Variants in DNAH2 observed in about 807,000 individuals in gnomAD.
DNAH2 encodes dynein axonemal heavy chain 2, also known as axonemal beta dynein heavy chain 2.
In DNAH2, 323 loss-of-function variants were observed where a neutral mutation model predicts 523.5. The observed-to-expected ratio is 0.62, with a 90% CI of 0.56 to 0.68. DNAH2 has a LOEUF of 0.68. Among genes scored for constraint, DNAH2 ranks in the 30% least tolerant of loss-of-function variants. DNAH2 has a pLI of 0.00. For missense variants in DNAH2, 4,907 were observed against 5,701.5 expected (o/e 0.86, Z 4.49); for synonymous variants, 2,093 against 2,177.4 (o/e 0.96, Z 1.08).
chr17:7,823,708 A>C, intron 74 of DNAH2, 80 bp downstream of exon 74: 1 of 1,581,382 alleles, frequency 6.3e-7, no homozygotes. Flanking sequence ...ATTGTCCTCC[A>C]TCCCCTCTCC....
chr17:7,742,814 T>C, intron 11 of DNAH2, 114 bp from the exon 12 acceptor site: 1 of 618,636 alleles, frequency 1.6e-6, no homozygotes, highest in Non-Finnish European at 2.4e-6. Context: ...TAGCAAGCCT[T>C]ATGCATATTG....
chr17:7,722,195 G>T (rs1026738916), intron 2 of DNAH2, among the ~76,000 whole-genome samples: 9 of 146,384 alleles, frequency 6.1e-5, no homozygotes, highest in Admixed American at 4.7e-4. Context: ...GACGGGGGGG[G>T]GGGTTCACCA....
chr17:7,723,736 G>A lies in DNAH2; in HGVS notation c.228+47G>A, dbSNP rs372899253. 3 of 1,520,640 alleles carry A rather than the reference G, an allele frequency of 2.0e-6. No homozygotes were observed. In the African/African-American group the frequency reaches 4.1e-5, roughly 21 times the overall value. 94.2% of individuals were successfully genotyped at this position (1,520,640 alleles called of 1,614,324 possible). The stretch of plus-strand genomic sequence containing the variant: ...GGCAGATATTCCTCCCCCAAAACTG[G>A]TGAATCAAAGGATCAGTTGTGGATG... On this transcript the variant is annotated intron_variant, in intron 3 of 85. Transcript: ENST00000572933.
intron 9 of DNAH2, among the ~76,000 whole-genome samples, chr17:7,740,156 TTC>T (rs1232303798): frequency 6.6e-6 from 1 of 151,988 alleles, no homozygotes; most frequent in East Asian, 1.9e-4. Context: ...TGGATCTTGG[TTC>T]TGCCACATAC....
intron 64 of DNAH2, 63 bp downstream of exon 64, chr17:7,816,798 C>A: frequency 6.3e-7 from 1 of 1,575,118 alleles, no homozygotes; most frequent in South Asian, 1.2e-5. Context: ...GAGACCCATC[C>A]CTTTTAGCTT....
chr17:7,826,644 AT>A (rs763095087), intron 77 of DNAH2, among the ~76,000 whole-genome samples: 75 of 147,898 alleles, frequency 5.1e-4, no homozygotes, highest in Non-Finnish European at 8.6e-4. Flanking sequence ...GATTCAAGCG[AT>A]TCTCCTGCCT....
Position 7,739,908 on chromosome 17 carries a change from A to G in DNAH2, c.1346A>G (p.Lys449Arg). 1 of 1,613,974 alleles carries G rather than the reference A, an allele frequency of 6.2e-7. No homozygotes were observed. The highest frequency in any genetic ancestry group is 1.7e-5 in the Admixed American group (1 of 60,000). ...RAVRGGILDVKNTCWHEDYNK... is the reference protein window; with the variant it reads ...RAVRGGILDVRNTCWHEDYNK... ...GTTCGCGGGGGTATCCTGGATGTCA[A>G]GAACACCTGTTGGCATGAAGACTAC... Residue 449 changes from lysine (K) to arginine (R), a missense_variant, in exon 9 of 86, where the codon AAG becomes AGG. By Grantham distance (26) the Lys-to-Arg change is conservative. Transcript: ENST00000572933.
rs887824252 is a variant in DNAH2, at chr17:7,758,526, G to T, written c.2083G>T (p.Ala695Ser). The T allele has an allele frequency of 1.2e-6, 2 of 1,614,110 alleles. No homozygotes were observed. The highest frequency in any genetic ancestry group is 1.7e-6 in the Non-Finnish European group (2 of 1,180,006). The change falls in exon 14 of 86, where the codon GCC becomes TCC. Residue 695 changes from alanine to serine, a missense_variant. Ala to Ser is a moderately conservative substitution (Grantham distance 99, BLOSUM62 1). Transcript: ENST00000572933. ...TGCCATGCTGTCCCCAGATGAGCAGGCCCTATTCAAAGAGCGTATTCGGCT... is the reference window on the plus strand; with the variant it reads ...TGCCATGCTGTCCCCAGATGAGCAGTCCCTATTCAAAGAGCGTATTCGGCT... ...IIAMLSPDEQ[A>S]LFKERIRLLD...
intron 12 of DNAH2, chr17:7,744,032 C>T (rs1388364434): frequency 6.6e-6 from 1 of 152,188 alleles, no homozygotes; most frequent in African/African-American, 2.4e-5. Context: ...GGCTTCCTGT[C>T]CACATAAGAT....
chr17:7,765,599 C>T (rs377017009), intron 21 of DNAH2, 34 bp downstream of exon 21: 18 of 1,587,254 alleles, frequency 1.1e-5, no homozygotes, highest in Non-Finnish European at 1.5e-5. Context: ...GCTTCTTTAG[C>T]CTTTGTTTAG....
chr17:7,719,620 A>C (rs1471220811), intron 1 of DNAH2, 101 bp from the exon 2 acceptor site: 12 of 1,409,630 alleles, frequency 8.5e-6, no homozygotes, highest in African/African-American at 1.4e-5. Flanking sequence ...GATCATATTG[A>C]GTTTCAGTCA....
chr17:7,792,311 C>T lies in DNAH2; in HGVS notation c.7113C>T (p.Asp2371=), dbSNP rs766173669. ...TACGGAGTTGGACATCATTTGAGGA[C>T]AAGCTCCCTAAGAGTTGGCGCTACC... is the stretch of plus-strand genomic sequence containing the variant. ...PKIRSWTSFE[D]KLPKSWRYPP... Residue 2371 remains aspartate (D), a synonymous_variant, in exon 46 of 86, where the codon GAC becomes GAT. Transcript: ENST00000572933. 8.7e-6 allele frequency: 14 copies of T among 1,614,038 alleles called. No individual in the cohort carries two copies. In the South Asian group the frequency reaches 1.5e-4, roughly 18 times the overall value.
chr17:7,827,466 GAC>G (rs1292563876), intron 77 of DNAH2, among the ~76,000 whole-genome samples: 2 of 152,098 alleles, frequency 1.3e-5, no homozygotes, highest in Non-Finnish European at 2.9e-5. Flanking sequence ...CTTTTTTTGA[GAC>G]AGAGTCTTGC....
intron 11 of DNAH2, among the ~76,000 whole-genome samples, chr17:7,741,242 CTTTCTTTCTTTCTTTCTT>C: frequency 3.5e-5 from 1 of 28,258 alleles, no homozygotes; most frequent in African/African-American, 1.7e-4. Context: ...CTCTCTCTTT[CTTTCTTTCTTTCTTTCTT>C]TCTTTCTTTC....
chr17:7,764,072 G>A (rs769647399), intron 19 of DNAH2, 41 bp downstream of exon 19: 11 of 1,614,194 alleles, frequency 6.8e-6, no homozygotes, highest in Admixed American at 6.7e-5. Context: ...GCAGGGGCAG[G>A]CACTGGGCCT....
intron 22 of DNAH2, 45 bp downstream of exon 22, chr17:7,766,526 C>T (rs1190134487): frequency 1.9e-6 from 3 of 1,590,434 alleles, no homozygotes; most frequent in Non-Finnish European, 2.6e-6. Context: ...CGATAAGGGG[C>T]AGGGACAGGA....
At chr17:7,731,178 A>G (rs2074977357) in intron 4 of DNAH2, among the ~76,000 whole-genome samples, 1 of 151,994 alleles carries the variant, frequency 6.6e-6, no homozygotes, top group East Asian at 1.9e-4. Context: ...AAGAAAATCA[A>G]TGCCATGAAA....
intron 12 of DNAH2, among the ~76,000 whole-genome samples, chr17:7,744,473 A>G (rs1199649614): frequency 6.6e-6 from 1 of 152,036 alleles, no homozygotes; most frequent in Non-Finnish European, 1.5e-5. Context: ...AAAGGAAGCA[A>G]AAGAACCAGG....
At chr17:7,752,875 A>C (rs910403564) in intron 12 of DNAH2, among the ~76,000 whole-genome samples, 2 of 152,204 alleles carry the variant, frequency 1.3e-5, no homozygotes, top group African/African-American at 4.8e-5. Context: ...TGTTGTTAGC[A>C]CTTAAAATTC....
Sources: gnomAD v4.1 joint callset for allele counts (sites outside exome capture counted in the v4.1 genomes callset) on GRCh38, gnomAD v4.1.1 for gene constraint, MANE v1.5 for transcripts, NCBI Gene and HGNC (gene_info 2026-07-23, HGNC 2026-07-21) for gene names.